The following DLGAP5 variants were observed in gnomAD, a reference collection of about 807,000 sequenced individuals.
DLGAP5 encodes the protein DLG associated protein 5.
Under a neutral mutation model 99.6 loss-of-function variants are expected in DLGAP5, and 90 were observed. The ratio of observed to expected loss-of-function variants is 0.90; its 90% CI spans 0.76 to 1.08. The LOEUF is 1.08. DLGAP5 is among the 50% of genes least tolerant of loss of function. DLGAP5 has a pLI of 0.00. For synonymous variants in DLGAP5, 311 were observed against 321.3 expected, an observed-to-expected ratio of 0.97 and a Z score of 0.34; for missense variants, 1,036 against 983.5, an observed-to-expected ratio of 1.05 and a Z score of -0.71.
chr14:55,175,174 A>T (rs1883015771), intron 10 of DLGAP5, among the ~76,000 whole-genome samples, 172 bp downstream of exon 10: 1 of 152,184 alleles, frequency 6.6e-6, no homozygotes, highest in Admixed American at 6.5e-5. Context: ...CTACCCTTTG[A>T]ATTAGGAACC....
Position 55,177,129 on chromosome 14 carries a change from T to C in DLGAP5, c.982A>G (p.Met328Val), listed in dbSNP as rs372754218. 2.7e-5 allele frequency: 43 copies of C among 1,585,084 alleles called. No homozygotes were observed. The highest frequency in any genetic ancestry group is 3.5e-5 in the Non-Finnish European group (41 of 1,169,510). Residue 328 changes from methionine (M) to valine (V), a missense_variant, in exon 8 of 19, where the codon ATG becomes GTG. By Grantham distance (21) the Met-to-Val change is conservative. Coordinates refer to ENST00000247191, the MANE Select transcript of DLGAP5 (RefSeq NM_014750.5). ...AAAGCATTGGCACTTCTGGGAGTCA[T>C]AGGTGTTACTTGATAGGTCTTCAGA... The part of the protein sequence containing the change: ...DGLKTYQVTP[M>V]TPRSANAFLT...
intron 14 of DLGAP5, among the ~76,000 whole-genome samples, chr14:55,155,870 C>T (rs753021130): frequency 2.0e-5 from 3 of 151,542 alleles, no homozygotes; most frequent in Non-Finnish European, 2.9e-5. Context: ...AGGTGGATCA[C>T]GGGGCCAGAA....
At chr14:55,160,058 G>C (rs1216764465) in intron 13 of DLGAP5, among the ~76,000 whole-genome samples, 1 of 152,024 alleles carries the variant, frequency 6.6e-6, no homozygotes, top group African/African-American at 2.4e-5. Flanking sequence ...CAAAAAATTA[G>C]CTGGGCAAGG....
intron 18 of DLGAP5, among the ~76,000 whole-genome samples, chr14:55,149,359 CAAGA>C (rs1566491373): frequency 6.6e-6 from 1 of 152,072 alleles, no homozygotes; most frequent in Non-Finnish European, 1.5e-5. Context: ...AGGCTAAAAC[CAAGA>C]AAGAATGGTA....
intron 4 of DLGAP5, 86 bp from the exon 5 acceptor site, chr14:55,181,383 T>C (rs1883270108): frequency 1.9e-6 from 2 of 1,073,338 alleles, no homozygotes; most frequent in Admixed American, 5.0e-5. Context: ...ATTCCTCATA[T>C]GAAATCTGAT....
In DLGAP5 at chr14:55,158,600, C is replaced by T. The variant is rs758520984; in HGVS notation, c.1795G>A (p.Val599Met). 19 of 1,614,166 alleles carry T rather than the reference C, an allele frequency of 1.2e-5. No homozygotes were observed. The highest frequency in any genetic ancestry group is 1.2e-4 in the Admixed American group (7 of 60,020). Reference protein sequence around the residue: ...QEECAETAVSVIPKEVDKIVF... With the variant: ...QEECAETAVSMIPKEVDKIVF... Reference sequence around the variant, plus strand: ...ATTTTATCAACTTCCTTTGGTATCACAGAAACTGCTGTTTCAGCACATTCT... The same window carrying T: ...ATTTTATCAACTTCCTTTGGTATCATAGAAACTGCTGTTTCAGCACATTCT... Residue 599 changes from valine to methionine, a missense_variant, in exon 14 of 19, where the codon GTG (valine) becomes ATG (methionine). By Grantham distance (21) the Val-to-Met change is conservative. Coordinates refer to ENST00000247191, the MANE Select transcript of DLGAP5 (RefSeq NM_014750.5).
Position 55,183,649 on chromosome 14 carries a change from G to A in DLGAP5, c.343C>T (p.Arg115Ter), listed in dbSNP as rs766933512. The change falls in exon 3 of 19, where the codon CGA (arginine) becomes TGA (stop). Residue 115 changes from arginine (R) to a stop codon, truncating the protein, a stop_gained. Transcript: ENST00000247191. LOFTEE classifies it high-confidence loss of function. ...TAACGACCCACTTTAAATATTCCTCGTTTAGCTTTCTCTCTCTGCTCTTTC... is the reference window on the plus strand; with the variant it reads ...TAACGACCCACTTTAAATATTCCTCATTTAGCTTTCTCTCTCTGCTCTTTC... The part of the protein sequence containing the change: ...KLKEQREKAK[R>*]GIFKVGRYRP... 8.1e-6 allele frequency: 13 copies of A among 1,611,980 alleles called. No homozygotes were observed. Among genetic ancestry groups the A allele is most frequent in the South Asian group, 1.1e-5 (1 of 90,486 alleles).
At chr14:55,152,459 A>G (rs990546727) in intron 16 of DLGAP5, 131 bp downstream of exon 16, 3 of 610,506 alleles carry the variant, frequency 4.9e-6, no homozygotes, top group East Asian at 3.1e-5. Context: ...CATTGAAACA[A>G]GAACTACAAT....
At chr14:55,162,550 C>T (rs1341319036) in intron 13 of DLGAP5, among the ~76,000 whole-genome samples, 6 of 150,270 alleles carry the variant, frequency 4.0e-5, no homozygotes, top group South Asian at 4.2e-4. Flanking sequence ...ACCCGGGAGG[C>T]GGAGCTGGCA....
Position 55,177,121 on chromosome 14 carries a change from G to A in DLGAP5, c.990C>T (p.Pro330=), listed in dbSNP as rs773989980. 6 of 1,565,418 alleles carry A rather than the reference G, an allele frequency of 3.8e-6. No homozygotes were observed. Among genetic ancestry groups the A allele is most frequent in the East Asian group, 2.3e-5 (1 of 43,442 alleles). Residue 330 remains proline (P), a synonymous_variant, in exon 8 of 19, where the codon CCC becomes CCT. Transcript: ENST00000247191. ...GTGTCAAAAAAGCATTGGCACTTCT[G>A]GGAGTCATAGGTGTTACTTGATAGG... ...LKTYQVTPMT[P]RSANAFLTPS... is the part of the protein sequence containing the mutation.
chr14:55,186,445 C>G (rs1883438511), intron 2 of DLGAP5, among the ~76,000 whole-genome samples: 1 of 152,130 alleles, frequency 6.6e-6, no homozygotes, highest in Non-Finnish European at 1.5e-5. Context: ...AATCAAGAAC[C>G]AAGTAAGAGC....
At chr14:55,152,799 G>T in intron 15 of DLGAP5, 152 bp from the exon 16 acceptor site, 1 of 575,224 alleles carries the variant, frequency 1.7e-6, no homozygotes, top group Non-Finnish European at 2.8e-6. Context: ...AGATAGATTA[G>T]TTTTGGACTA....
chr14:55,184,365 C>G (rs1883367877), intron 2 of DLGAP5, among the ~76,000 whole-genome samples: 1 of 152,204 alleles, frequency 6.6e-6, no homozygotes, highest in Admixed American at 6.5e-5. Flanking sequence ...AACCCCTAGT[C>G]TTTTAAAATT....
rs1882501841 is a variant in DLGAP5, at chr14:55,162,985, T to G, written c.1639A>C (p.Lys547Gln). ...CACAAACTTACCCTAAAGACATTTTTGTTCATATTATGATTCATATTATTA... is the reference window on the plus strand; with the variant it reads ...CACAAACTTACCCTAAAGACATTTTGGTTCATATTATGATTCATATTATTA... ...VNNNMNHNMNKNVFRKKVVSG... is the reference protein window; with the variant it reads ...VNNNMNHNMNQNVFRKKVVSG... Residue 547 changes from lysine (K) to glutamine (Q), a missense_variant, in exon 13 of 19, where the codon AAA becomes CAA. Transcript: ENST00000247191. The G allele has an allele frequency of 1.9e-6, 3 of 1,579,168 alleles. No individual in the cohort carries two copies. In the East Asian group the frequency reaches 6.8e-5, roughly 36 times the overall value.
intron 3 of DLGAP5, among the ~76,000 whole-genome samples, chr14:55,182,923 T>C (rs904876474): frequency 1.3e-5 from 2 of 152,196 alleles, no homozygotes; most frequent in African/African-American, 4.8e-5. Context: ...TTTTTACTAA[T>C]ATCTAGGTGG....
At chr14:55,181,059 G>T (rs908859517) in intron 5 of DLGAP5, among the ~76,000 whole-genome samples, 154 bp downstream of exon 5, 2 of 152,134 alleles carry the variant, frequency 1.3e-5, no homozygotes, top group Admixed American at 6.6e-5. Flanking sequence ...AGGCTCCAGT[G>T]AGCTATGATT....
At chr14:55,161,830 C>T (rs1307180380) in intron 13 of DLGAP5, among the ~76,000 whole-genome samples, 5 of 132,488 alleles carry the variant, frequency 3.8e-5, no homozygotes, top group Admixed American at 1.7e-4. Flanking sequence ...ACCAAGGTCA[C>T]GCCACTGCAC....
chr14:55,181,021 G>A (rs1375609134), intron 5 of DLGAP5, among the ~76,000 whole-genome samples, 192 bp downstream of exon 5: 2 of 152,066 alleles, frequency 1.3e-5, no homozygotes, highest in Non-Finnish European at 2.9e-5. Context: ...AGGCTGAGGT[G>A]GGAGGATCAC....
intron 12 of DLGAP5, 35 bp downstream of exon 12, chr14:55,169,364 C>CA: frequency 7.5e-7 from 1 of 1,338,888 alleles, no homozygotes; most frequent in Non-Finnish European, 9.8e-7. Context: ...AAAAAAAGCC[C>CA]TAAGTTAATA....
Sources: allele counts gnomAD v4.1 joint callset (sites outside exome capture counted in the v4.1 genomes callset), GRCh38; gene constraint gnomAD v4.1.1; transcripts MANE v1.5; gene names NCBI Gene and HGNC (gene_info 2026-07-23, HGNC 2026-07-21).